Variants in EHHADH observed in about 807,000 individuals in gnomAD.
The protein encoded by EHHADH is peroxisomal bifunctional enzyme.
Under a neutral mutation model 64.4 loss-of-function variants are expected in EHHADH, and 48 were observed. The observed-to-expected ratio is 0.75, with a 90% CI of 0.59 to 0.95. EHHADH has a LOEUF of 0.95. Among genes scored for constraint, EHHADH ranks in the 40% least tolerant of loss-of-function variants. The pLI, the probability that EHHADH is intolerant of heterozygous loss-of-function variation, is 0.00. For synonymous variants in EHHADH, 308 were observed against 326.7 expected (o/e 0.94, Z 0.62); for missense variants, 854 against 876.6 (o/e 0.97, Z 0.33).
intron 2 of EHHADH, among the ~76,000 whole-genome samples, chr3:185,236,386 C>T: frequency 1.4e-5 from 2 of 140,624 alleles, no homozygotes; most frequent in Non-Finnish European, 3.1e-5. Context: ...CCCAGGCCTG[C>T]ACCCCCACCC....
chr3:185,241,876 C>A (rs1221587597), intron 2 of EHHADH, among the ~76,000 whole-genome samples: 1 of 152,132 alleles, frequency 6.6e-6, no homozygotes, highest in Admixed American at 6.5e-5. Flanking sequence ...CTTGCCTAAG[C>A]CAATGTCTAG....
intron 6 of EHHADH, among the ~76,000 whole-genome samples, chr3:185,201,259 T>C (rs1718214366): frequency 2.0e-5 from 3 of 152,142 alleles, no homozygotes; most frequent in African/African-American, 4.8e-5. Flanking sequence ...TGATTGTCCA[T>C]AGAGACGATG....
chr3:185,218,258 A>G lies in EHHADH; in HGVS notation c.464-18T>C, dbSNP rs1718744893. 3 of 1,546,224 alleles carry G rather than the reference A, an allele frequency of 1.9e-6. No homozygotes were observed. The highest frequency in any genetic ancestry group is 3.4e-5 in the Admixed American group (2 of 58,346). On this transcript the variant is annotated intron_variant, in intron 4 of 6. Coordinates refer to ENST00000231887, the MANE Select transcript of EHHADH (RefSeq NM_001966.4). Reference sequence around the variant, plus strand: ...ACGTCTTCCTGAAATAAACAACAACAACAATAACAACAAATCAAAGAGCGA... The same window carrying G: ...ACGTCTTCCTGAAATAAACAACAACGACAATAACAACAAATCAAAGAGCGA...
chr3:185,236,709 C>T (rs1719305953), intron 2 of EHHADH, among the ~76,000 whole-genome samples: 1 of 152,106 alleles, frequency 6.6e-6, no homozygotes, highest in African/African-American at 2.4e-5. Flanking sequence ...ATATTTCACT[C>T]TCTAGTCCAG....
intron 2 of EHHADH, among the ~76,000 whole-genome samples, chr3:185,242,885 C>T (rs1719496079): frequency 6.6e-6 from 1 of 152,200 alleles, no homozygotes; most frequent in Non-Finnish European, 1.5e-5. Flanking sequence ...CAGGAGGCTT[C>T]TAGACTGGTT....
At position 185,191,575 on chromosome 3, in the gene EHHADH, G is replaced by A. The variant is rs1306999082; in HGVS notation, c.*651C>T. ...GAGGCTTGTCATGACAGGAAAACTG[G>A]TGTCATTACTCTATCACAGAATTGG... On this transcript the variant is annotated 3_prime_UTR_variant, in exon 7 of 7. Coordinates refer to ENST00000231887, the MANE Select transcript of EHHADH (RefSeq NM_001966.4). 6.6e-6 allele frequency: 1 copy of A among 152,146 alleles called. No homozygotes were observed. The allele number at this position is 152,146 out of a possible 1,614,324, so 9.4% of individuals were successfully genotyped here.
chr3:185,245,963 T>A, intron 2 of EHHADH: 1 of 1,494,198 alleles, frequency 6.7e-7, no homozygotes, highest in Non-Finnish European at 9.3e-7. Flanking sequence ...AGGGCCTGTC[T>A]GATTACTGAA....
chr3:185,236,463 C>A (rs903250040), intron 2 of EHHADH, among the ~76,000 whole-genome samples: 1 of 149,736 alleles, frequency 6.7e-6, no homozygotes, highest in African/African-American at 2.5e-5. Flanking sequence ...AGGTTGAGGA[C>A]AGCTGATTTA....
intron 6 of EHHADH, among the ~76,000 whole-genome samples, chr3:185,198,027 C>T (rs947317091): frequency 6.6e-6 from 1 of 152,068 alleles, no homozygotes; most frequent in Non-Finnish European, 1.5e-5. Flanking sequence ...GAATTCCTGA[C>T]CTCAAGTAAT....
At chr3:185,243,823 C>A (rs141389728) in intron 2 of EHHADH, among the ~76,000 whole-genome samples, 1 of 152,088 alleles carries the variant, frequency 6.6e-6, no homozygotes, top group South Asian at 2.1e-4. Flanking sequence ...GTGTATTTTG[C>A]GGTTATTGCA....
chr3:185,208,704 A>C (rs925095433), intron 5 of EHHADH, among the ~76,000 whole-genome samples: 1 of 152,238 alleles, frequency 6.6e-6, no homozygotes, highest in Non-Finnish European at 1.5e-5. Context: ...AGCATATGCC[A>C]TAAAGAAAAC....
chr3:185,236,187 G>C (rs1719287526), intron 2 of EHHADH, among the ~76,000 whole-genome samples: 1 of 152,166 alleles, frequency 6.6e-6, no homozygotes, highest in Non-Finnish European at 1.5e-5. Flanking sequence ...ACATGTGTGA[G>C]CGAGCATTAC....
At chr3:185,251,396 T>A (rs1002348516) in intron 1 of EHHADH, among the ~76,000 whole-genome samples, 32 of 152,226 alleles carry the variant, frequency 2.1e-4, no homozygotes, top group African/African-American at 7.7e-4. Context: ...TGTAAGTGTG[T>A]CTTGAATTGC....
chr3:185,217,589 T>C (rs544481286), intron 5 of EHHADH, among the ~76,000 whole-genome samples: 1 of 149,584 alleles, frequency 6.7e-6, no homozygotes, highest in South Asian at 2.1e-4. Flanking sequence ...TCCACACTTC[T>C]CTCTTGCTCT....
At chr3:185,222,158 T>A (rs891507325) in intron 4 of EHHADH, among the ~76,000 whole-genome samples, 1 of 151,950 alleles carries the variant, frequency 6.6e-6, no homozygotes, top group Non-Finnish European at 1.5e-5. Context: ...GGCAGGAGGA[T>A]CACCTGAGGT....
intron 5 of EHHADH, among the ~76,000 whole-genome samples, chr3:185,212,624 T>A (rs61486960): frequency 0.068 from 10,343 of 152,058 alleles, 1,157 homozygotes; most frequent in African/African-American, 0.23. Flanking sequence ...GGCTGAATAA[T>A]TGGAATATGG....
At chr3:185,252,310 G>A (rs1265222145) in intron 1 of EHHADH, among the ~76,000 whole-genome samples, 2 of 151,982 alleles carry the variant, frequency 1.3e-5, no homozygotes, top group Middle Eastern at 3.4e-3. Flanking sequence ...TGAGGCAGGG[G>A]AATCACTTGA....
chr3:185,248,281 A>T (rs750441537), intron 2 of EHHADH, 133 bp downstream of exon 2: 3 of 730,256 alleles, frequency 4.1e-6, no homozygotes, highest in Non-Finnish European at 7.5e-6. Context: ...CCACAGTGTT[A>T]CTCATTCTCA....
intron 2 of EHHADH, chr3:185,245,603 A>T (rs550171116): frequency 1.3e-6 from 1 of 741,584 alleles, no homozygotes; most frequent in East Asian, 2.5e-5. Flanking sequence ...GATTGTGTCC[A>T]GTGATCAGCA....
Sources: gnomAD v4.1 joint callset for allele counts (sites outside exome capture counted in the v4.1 genomes callset) on GRCh38, gnomAD v4.1.1 for gene constraint, MANE v1.5 for transcripts, NCBI Gene and HGNC (gene_info 2026-07-23, HGNC 2026-07-21) for gene names.